Variants in BCAS3 observed in about 807,000 individuals in gnomAD.
BCAS3 encodes the protein BCAS4/BCAS3 fusion.
BCAS3 carries 53 observed loss-of-function variants against 116.1 expected under a neutral mutation model. That is an observed-to-expected ratio of 0.46 (90% confidence interval 0.37 to 0.57). BCAS3 has a LOEUF of 0.57. Among genes scored for constraint, BCAS3 ranks in the 20% least tolerant of loss-of-function variants. The probability of loss-of-function intolerance (pLI) is 0.00; values close to 1 mark genes in which losing one functional copy is unlikely to be tolerated. For synonymous variants in BCAS3, 391 were observed against 408.2 expected (o/e 0.96, Z 0.51); for missense variants, 917 against 1,165.4 (o/e 0.79, Z 3.10).
chr17:61,287,587 A>G (rs1225074210), intron 22 of BCAS3, among the ~76,000 whole-genome samples: 1 of 151,732 alleles, frequency 6.6e-6, no homozygotes, highest in African/African-American at 2.4e-5. Context: ...TTAGCCAGGC[A>G]TGGTGATGGG....
At chr17:61,266,696 G>T (rs1487708990) in intron 22 of BCAS3, among the ~76,000 whole-genome samples, 1 of 152,166 alleles carries the variant, frequency 6.6e-6, no homozygotes, top group African/African-American at 2.4e-5. Flanking sequence ...GCCACAATTA[G>T]TATGACTCAC....
At chr17:61,373,724 G>A (rs1007372400) in intron 23 of BCAS3, among the ~76,000 whole-genome samples, 1 of 42,246 alleles carries the variant, frequency 2.4e-5, no homozygotes, top group African/African-American at 3.7e-5. Flanking sequence ...GAACCACGAT[G>A]CCCAGCCCCT....
Position 61,095,729 on chromosome 17 carries a change from A to C in BCAS3, c.2425+11165A>C, listed in dbSNP as rs2073923693. On this transcript the variant is annotated intron_variant, in intron 22 of 23. Coordinates refer to ENST00000407086, the MANE Select transcript of BCAS3 (RefSeq NM_017679.5). The surrounding 1 kb of genome is among the most constrained non-coding windows in gnomAD (Gnocchi z 4.7). ...TGATCTGCCCACCTTGGCTTCCCAAAGTGCTGGGATTACAGGTATTAGCCA... is the reference window on the plus strand; with the variant it reads ...TGATCTGCCCACCTTGGCTTCCCAACGTGCTGGGATTACAGGTATTAGCCA... Among the ~76,000 whole-genome samples the C allele has an allele frequency of 6.6e-6, 1 of 152,120 alleles. No individual in the cohort carries two copies. Among genetic ancestry groups the C allele is most frequent in the Non-Finnish European group, 1.5e-5 (1 of 68,032 alleles).
intron 5 of BCAS3, among the ~76,000 whole-genome samples, chr17:60,723,722 T>C (rs1309245475): frequency 1.2e-3 from 148 of 127,702 alleles, no homozygotes; most frequent in African/African-American, 3.1e-3. Flanking sequence ...TTTTTTTTTT[T>C]TTTTTTTTTT....
chr17:60,731,817 C>T (rs1322059662), intron 5 of BCAS3, among the ~76,000 whole-genome samples: 1 of 143,658 alleles, frequency 7.0e-6, no homozygotes, highest in South Asian at 2.2e-4. Context: ...CTCATTTTGT[C>T]GCCCAGGCTG....
chr17:61,039,859 T>C (rs2067362919), intron 18 of BCAS3, among the ~76,000 whole-genome samples: 1 of 152,168 alleles, frequency 6.6e-6, no homozygotes, highest in African/African-American at 2.4e-5. Flanking sequence ...TCACCGAAAA[T>C]AGAGAGTAAC....
intron 4 of BCAS3, among the ~76,000 whole-genome samples, chr17:60,699,612 A>G (rs1598136028): frequency 6.6e-6 from 1 of 152,340 alleles, no homozygotes; most frequent in East Asian, 1.9e-4. Context: ...GGAATCATGT[A>G]CTATTAACAT....
intron 5 of BCAS3, among the ~76,000 whole-genome samples, chr17:60,713,814 G>A (rs1376003102): frequency 6.6e-6 from 1 of 152,118 alleles, no homozygotes; most frequent in Non-Finnish European, 1.5e-5. Flanking sequence ...ATGGACAATT[G>A]CATTTGCATT....
chr17:60,987,639 T>C (rs1437861723), intron 14 of BCAS3, among the ~76,000 whole-genome samples: 1 of 152,078 alleles, frequency 6.6e-6, no homozygotes, highest in Non-Finnish European at 1.5e-5. Flanking sequence ...ATTGTTCACA[T>C]TTGGCATGTA....
chr17:60,799,072 G>GT (rs2047465338), intron 6 of BCAS3, among the ~76,000 whole-genome samples: 1 of 152,054 alleles, frequency 6.6e-6, no homozygotes, highest in Admixed American at 6.5e-5. Flanking sequence ...TATCAGATGT[G>GT]TTTTTTGCAA....
At chr17:61,271,317 T>TG in intron 22 of BCAS3, among the ~76,000 whole-genome samples, 1 of 141,898 alleles carries the variant, frequency 7.0e-6, no homozygotes, top group East Asian at 2.2e-4. Context: ...TTAGTAGAGA[T>TG]GGGTTTCACC....
At chr17:61,173,757 G>T (rs1187094964) in intron 22 of BCAS3, among the ~76,000 whole-genome samples, 1 of 151,986 alleles carries the variant, frequency 6.6e-6, no homozygotes, top group Non-Finnish European at 1.5e-5. Context: ...TGGTGCAGGT[G>T]TGTAGTCCTA....
chr17:61,014,063 A>G (rs1359106100), intron 15 of BCAS3, among the ~76,000 whole-genome samples: 4 of 152,120 alleles, frequency 2.6e-5, no homozygotes, highest in African/African-American at 7.2e-5. Context: ...AAATTGGTCA[A>G]CTTAATTCGA....
intron 22 of BCAS3, among the ~76,000 whole-genome samples, chr17:61,232,706 T>A (rs942455725): frequency 3.3e-5 from 5 of 152,184 alleles, no homozygotes; most frequent in Non-Finnish European, 7.3e-5. Context: ...GCAAATCCTA[T>A]TGTAGTCTTG....
At chr17:60,696,060 T>C (rs1288753841) in intron 4 of BCAS3, among the ~76,000 whole-genome samples, 1 of 152,204 alleles carries the variant, frequency 6.6e-6, no homozygotes, top group Non-Finnish European at 1.5e-5. Context: ...TACTCAAAGC[T>C]CTTTATTCAT....
Position 61,196,514 on chromosome 17 carries a change from A to G in BCAS3, c.2425+111950A>G, listed in dbSNP as rs2080487818. Among the ~76,000 whole-genome samples, 1 of 152,192 alleles carries G rather than the reference A, an allele frequency of 6.6e-6. No individual in the cohort carries two copies. Among genetic ancestry groups the G allele is most frequent in the African/African-American group, 2.4e-5 (1 of 41,446 alleles). On this transcript the variant is annotated intron_variant, in intron 22 of 23. Coordinates refer to ENST00000407086, the MANE Select transcript of BCAS3 (RefSeq NM_017679.5). The surrounding 1 kb of genome is among the most constrained non-coding windows in gnomAD (Gnocchi z 4.7). ...CAAGCCCACAAAAACAAAAAACCCCAACCCAACAGCTGGGAAGGGTTGGAA... is the reference window on the plus strand; with the variant it reads ...CAAGCCCACAAAAACAAAAAACCCCGACCCAACAGCTGGGAAGGGTTGGAA...
intron 7 of BCAS3, among the ~76,000 whole-genome samples, chr17:60,864,976 T>C (rs897226096): frequency 2.0e-5 from 3 of 152,172 alleles, no homozygotes; most frequent in Non-Finnish European, 2.9e-5. Flanking sequence ...TTTACCGTCT[T>C]CTATGGGTCC....
chr17:60,820,799 T>C (rs2049896060), intron 7 of BCAS3, among the ~76,000 whole-genome samples: 1 of 152,156 alleles, frequency 6.6e-6, no homozygotes, highest in Non-Finnish European at 1.5e-5. Context: ...TTAAGCACTT[T>C]CAAACCAGAG....
intron 4 of BCAS3, among the ~76,000 whole-genome samples, chr17:60,700,910 G>C (rs552583237): frequency 4.8e-4 from 73 of 152,228 alleles, no homozygotes; most frequent in Admixed American, 2.9e-3. Flanking sequence ...GAAAAATAAT[G>C]ACAGTTGTGA....
Sources: allele counts gnomAD v4.1 joint callset (sites outside exome capture counted in the v4.1 genomes callset), GRCh38; gene constraint gnomAD v4.1.1; non-coding constraint Gnocchi (gnomAD v3.1); transcripts MANE v1.5; gene names NCBI Gene and HGNC (gene_info 2026-07-23, HGNC 2026-07-21).